DIAPH3: variants seen among roughly 807,000 people sequenced by gnomAD.
DIAPH3 encodes the protein protein diaphanous homolog 3.
Under a neutral mutation model 144.3 loss-of-function variants are expected in DIAPH3, and 117 were observed. The observed-to-expected ratio is 0.81, with a 90% confidence interval of 0.70 to 0.95. The LOEUF (loss-of-function observed/expected upper bound fraction) is 0.95, where lower values mean the gene tolerates loss of function less well. Among genes scored for constraint, DIAPH3 ranks in the 40% least tolerant of loss-of-function variants. The probability of loss-of-function intolerance (pLI) is 0.00; values close to 1 mark genes in which losing one functional copy is unlikely to be tolerated. For missense variants in DIAPH3, 1,421 were observed against 1,412.7 expected (o/e 1.01, Z -0.09); for synonymous variants, 519 against 488.9 (o/e 1.06, Z -0.81).
intron 21 of DIAPH3, among the ~76,000 whole-genome samples, chr13:59,872,519 C>G (rs1304760318): frequency 6.6e-6 from 1 of 152,106 alleles, no homozygotes; most frequent in African/African-American, 2.4e-5. Context: ...CCCTGTCCCC[C>G]AAGAACAAAT....
chr13:59,895,247 T>C (rs1170870259), intron 20 of DIAPH3, among the ~76,000 whole-genome samples: 1 of 152,110 alleles, frequency 6.6e-6, no homozygotes, highest in East Asian at 1.9e-4. Context: ...TGGTGGCATA[T>C]AAGTTAGTGC....
chr13:59,975,565 T>A (rs2050632038), intron 14 of DIAPH3, among the ~76,000 whole-genome samples: 1 of 151,982 alleles, frequency 6.6e-6, no homozygotes, highest in Non-Finnish European at 1.5e-5. Flanking sequence ...ACGGCAAAAC[T>A]GAGCAGAAAA....
At position 59,811,210 on chromosome 13, in the gene DIAPH3, TA is replaced by T. The variant is rs1377060712; in HGVS notation, c.3028-288del. ...GGAGATGGGAGACAGAAACTGAAAA[TA>T]AAAAAAAAACTAATTCACAAATCAA... On this transcript the variant is annotated intron_variant, in intron 24 of 27. Coordinates refer to ENST00000400324, the MANE Select transcript of DIAPH3 (RefSeq NM_001042517.2). Among the ~76,000 whole-genome samples, 6 of 147,916 alleles carry T rather than the reference TA, an allele frequency of 4.1e-5. No homozygotes were observed. The East Asian group carries it at 5.9e-4, about 15-fold the overall frequency.
At chr13:60,004,036 AATTCTCCTT>A (rs1387452075) in intron 9 of DIAPH3, among the ~76,000 whole-genome samples, 1 of 152,150 alleles carries the variant, frequency 6.6e-6, no homozygotes, top group Non-Finnish European at 1.5e-5. Context: ...AAAAAGTAAC[AATTCTCCTT>A]ATTCTCCTTT....
At position 60,162,498 on chromosome 13, in the gene DIAPH3, T is replaced by C. The variant is rs907666713; in HGVS notation, c.180+1089A>G. ...GTCAAGATAATGATCAAGTCCATACTTGATCCTTCTGCAAAATGTCACTAT... is the reference window on the plus strand; with the variant it reads ...GTCAAGATAATGATCAAGTCCATACCTGATCCTTCTGCAAAATGTCACTAT... On this transcript the variant is annotated intron_variant, in intron 1 of 27. Coordinates refer to ENST00000400324, the MANE Select transcript of DIAPH3 (RefSeq NM_001042517.2). Among the ~76,000 whole-genome samples the C allele has an allele frequency of 3.3e-5, 5 of 152,296 alleles. No individual in the cohort carries two copies. In the East Asian group the frequency reaches 9.6e-4, roughly 29 times the overall value.
intron 21 of DIAPH3, among the ~76,000 whole-genome samples, chr13:59,876,008 T>C (rs2044604220): frequency 6.6e-6 from 1 of 152,312 alleles, no homozygotes; most frequent in Admixed American, 6.5e-5. Flanking sequence ...GAATTTTTCA[T>C]ACTTGAGTTA....
intron 25 of DIAPH3, among the ~76,000 whole-genome samples, chr13:59,803,308 G>A (rs1052041593): frequency 4.6e-5 from 7 of 152,052 alleles, no homozygotes; most frequent in African/African-American, 1.7e-4. Context: ...AATTCTTAGA[G>A]GTAGACCATG....
chr13:59,818,023 T>C (rs1252780739), intron 24 of DIAPH3, among the ~76,000 whole-genome samples: 1 of 151,978 alleles, frequency 6.6e-6, no homozygotes, highest in Non-Finnish European at 1.5e-5. Context: ...CTTCTTTAAA[T>C]ACAACCTTTA....
At chr13:59,954,364 C>T (rs897733921) in intron 17 of DIAPH3, among the ~76,000 whole-genome samples, 1 of 152,138 alleles carries the variant, frequency 6.6e-6, no homozygotes, top group African/African-American at 2.4e-5. Context: ...TTATCTCATT[C>T]CCTTTTGCTT....
chr13:60,029,171 A>T (rs958543576), intron 5 of DIAPH3, among the ~76,000 whole-genome samples: 3 of 151,622 alleles, frequency 2.0e-5, no homozygotes, highest in African/African-American at 7.3e-5. Context: ...TAAAAAAAAA[A>T]ACTGTTATTC....
chr13:60,078,724 A>G (rs1659042909), intron 4 of DIAPH3, among the ~76,000 whole-genome samples: 4 of 151,924 alleles, frequency 2.6e-5, no homozygotes, highest in Admixed American at 2.6e-4. Flanking sequence ...CAATTCATAT[A>G]TATTTGAAAT....
rs543703529 is a variant in DIAPH3, at chr13:59,823,902, G to C, written c.3027+9205C>G. 2.0e-5 allele frequency among the ~76,000 whole-genome samples: 3 copies of C among 152,252 alleles called. No homozygotes were observed. In the South Asian group the frequency reaches 6.2e-4, roughly 32 times the overall value. ...TTCACTACTTTAGTCGGAGAATTCA[G>C]TAGAATAATAAATTATATTTGATCA... On this transcript the variant is annotated intron_variant, in intron 24 of 27. Transcript: ENST00000400324.
At chr13:60,082,020 C>T (rs918274843) in intron 4 of DIAPH3, among the ~76,000 whole-genome samples, 2 of 151,690 alleles carry the variant, frequency 1.3e-5, no homozygotes, top group African/African-American at 4.8e-5. Flanking sequence ...CAAAGACAAA[C>T]CTATAAATCA....
intron 2 of DIAPH3, among the ~76,000 whole-genome samples, chr13:60,115,185 C>A (rs1414580225): frequency 2.0e-5 from 3 of 152,062 alleles, no homozygotes; most frequent in East Asian, 1.9e-4. Flanking sequence ...GAAATGGTGA[C>A]CAACACAGCT....
chr13:59,866,704 TC>T (rs1363440357), intron 21 of DIAPH3, among the ~76,000 whole-genome samples: 3 of 152,130 alleles, frequency 2.0e-5, no homozygotes, highest in African/African-American at 7.2e-5. Flanking sequence ...GAAAAAGGTA[TC>T]TATAAAGTTT....
At chr13:60,110,528 C>T (rs1181524071) in intron 3 of DIAPH3, among the ~76,000 whole-genome samples, 1 of 152,150 alleles carries the variant, frequency 6.6e-6, no homozygotes, top group Non-Finnish European at 1.5e-5. Context: ...CCTTCAAAAG[C>T]CTTTCAGCTT....
intron 22 of DIAPH3, among the ~76,000 whole-genome samples, chr13:59,857,641 C>G (rs2043331036): frequency 6.6e-6 from 1 of 152,122 alleles, no homozygotes; most frequent in African/African-American, 2.4e-5. Context: ...AATCCCTGGT[C>G]TAGAGCAGCA....
At position 59,916,142 on chromosome 13, in the gene DIAPH3, C is replaced by G; in HGVS notation, c.2265+13G>C. The stretch of plus-strand genomic sequence containing the variant: ...ATGAAATATTGAAATTTAAGCTGTG[C>G]CTGTTTGTTTACCTGAATCATAGAC... On this transcript the variant is annotated intron_variant, in intron 19 of 27. Coordinates refer to ENST00000400324, the MANE Select transcript of DIAPH3 (RefSeq NM_001042517.2). 6.2e-7 allele frequency: 1 copy of G among 1,602,148 alleles called. No individual in the cohort carries two copies. Among genetic ancestry groups the G allele is most frequent in the Non-Finnish European group, 8.6e-7 (1 of 1,169,510 alleles).
intron 4 of DIAPH3, among the ~76,000 whole-genome samples, chr13:60,046,264 T>C (rs2056058570): frequency 6.6e-6 from 1 of 152,158 alleles, no homozygotes; most frequent in Admixed American, 6.6e-5. Context: ...TTATTATCAC[T>C]GAATAGGATA....
Sources: gnomAD v4.1 joint callset for allele counts (sites outside exome capture counted in the v4.1 genomes callset) on GRCh38, gnomAD v4.1.1 for gene constraint, MANE v1.5 for transcripts, NCBI Gene and HGNC (gene_info 2026-07-23, HGNC 2026-07-21) for gene names.